PBX4: variants seen among roughly 807,000 people sequenced by gnomAD.
PBX4 encodes PBX homeobox 4.
In PBX4, 26 loss-of-function variants were observed where a neutral mutation model predicts 35.1. The ratio of observed to expected loss-of-function variants is 0.74; its 90% CI spans 0.54 to 1.03. The LOEUF (loss-of-function observed/expected upper bound fraction) is 1.03. Ranked by LOEUF, PBX4 falls within the 50% of genes least tolerant of loss-of-function variation. The pLI is 0.00. For synonymous variants in PBX4, 199 were observed against 204.2 expected, an observed-to-expected ratio of 0.97 and a Z score of 0.22; for missense variants, 448 against 504.3, an observed-to-expected ratio of 0.89 and a Z score of 1.07.
intron 1 of PBX4, among the ~76,000 whole-genome samples, chr19:19,609,916 A>AG (rs936124572): frequency 6.6e-6 from 1 of 152,176 alleles, no homozygotes; most frequent in African/African-American, 2.4e-5. Flanking sequence ...GGTTCTGGGG[A>AG]GGGGTAAATG....
chr19:19,605,416 A>AAATAATAATAATAAT (rs34936775), intron 1 of PBX4, among the ~76,000 whole-genome samples: 7,956 of 139,242 alleles, frequency 0.057, 318 homozygotes, highest in Non-Finnish European at 0.077. Context: ...CTCTGTCTCA[A>AAATAATAATAATAAT]AATAATAATA....
intron 5 of PBX4, among the ~76,000 whole-genome samples, chr19:19,565,403 G>A (rs1379930987): frequency 1.3e-5 from 2 of 152,158 alleles, no homozygotes; most frequent in African/African-American, 4.8e-5. Context: ...GGGCCGGGAG[G>A]GACAGCGCCT....
chr19:19,613,217 G>A (rs2061671847), intron 1 of PBX4, among the ~76,000 whole-genome samples: 1 of 151,062 alleles, frequency 6.6e-6, no homozygotes, highest in African/African-American at 2.4e-5. Flanking sequence ...TGTAATCCCA[G>A]CACTTTGGGA....
At position 19,563,712 on chromosome 19, in the gene PBX4, C is replaced by G; in HGVS notation, c.926-97G>C. The G allele has an allele frequency of 9.8e-7, 1 of 1,021,398 alleles. No homozygotes were observed. Among genetic ancestry groups the G allele is most frequent in the Non-Finnish European group, 1.5e-6 (1 of 669,662 alleles). The allele number at this position is 1,021,398 out of a possible 1,614,324, so 63.3% of individuals were successfully genotyped here. On this transcript the variant is annotated intron_variant, in intron 6 of 7. Coordinates refer to ENST00000251203, the MANE Select transcript of PBX4 (RefSeq NM_025245.3). This position sits in a 1 kb window ranked among gnomAD's most constrained non-coding sequence, Gnocchi z 5.1. ...CCGGCAGGAGGCCTCGAATGTGGCT[C>G]CTGCCCCTCCTCAGCATCCGGCCTC...
At chr19:19,617,529 C>T (rs765499032) in intron 1 of PBX4, among the ~76,000 whole-genome samples, 3 of 152,142 alleles carry the variant, frequency 2.0e-5, no homozygotes, top group Admixed American at 6.6e-5. Context: ...AGCAATCCTC[C>T]TGCCTCAGCC....
At chr19:19,588,590 A>C (rs1308225762) in intron 2 of PBX4, among the ~76,000 whole-genome samples, 1 of 139,424 alleles carries the variant, frequency 7.2e-6, no homozygotes, top group Non-Finnish European at 1.7e-5. Flanking sequence ...TTTTCATCTG[A>C]AGAAATGCTC....
At chr19:19,586,519 G>C (rs572434355) in intron 2 of PBX4, among the ~76,000 whole-genome samples, 8 of 152,190 alleles carry the variant, frequency 5.3e-5, no homozygotes, top group Non-Finnish European at 4.4e-5. Flanking sequence ...TGTGGTAACA[G>C]GGCAAAAGGA....
At chr19:19,607,027 C>T (rs2061635760) in intron 1 of PBX4, among the ~76,000 whole-genome samples, 1 of 152,008 alleles carries the variant, frequency 6.6e-6, no homozygotes, top group African/African-American at 2.4e-5. Flanking sequence ...AAGTATATGA[C>T]ATATTCTACC....
Position 19,563,655 on chromosome 19 carries a change from C to T in PBX4, c.926-40G>A, listed in dbSNP as rs2061322636. 5 of 1,514,388 alleles carry T rather than the reference C, an allele frequency of 3.3e-6. No individual in the cohort carries two copies. The East Asian group carries it at 7.4e-5, about 22-fold the overall frequency. 93.8% of individuals were successfully genotyped at this position (1,514,388 alleles called of 1,614,324 possible). ...AGCCGGGGTGGGCAGAGTCGTGGCG[C>T]CTCCTCAGGTGGAACCCACCCAGCC... is the stretch of plus-strand genomic sequence containing the variant. On this transcript the variant is annotated intron_variant, in intron 6 of 7. Coordinates refer to ENST00000251203, the MANE Select transcript of PBX4 (RefSeq NM_025245.3). The surrounding 1 kb of genome is among the most constrained non-coding windows in gnomAD (Gnocchi z 5.1).
At chr19:19,610,095 G>C (rs2144790286) in intron 1 of PBX4, among the ~76,000 whole-genome samples, 1 of 152,286 alleles carries the variant, frequency 6.6e-6, no homozygotes, top group South Asian at 2.1e-4. Flanking sequence ...AAGACTTTTA[G>C]ATAGCTTCAG....
intron 1 of PBX4, among the ~76,000 whole-genome samples, chr19:19,615,507 G>A (rs552351189): frequency 1.6e-4 from 24 of 152,284 alleles, no homozygotes; most frequent in Admixed American, 3.3e-4. Context: ...GAACTTGAGA[G>A]CAGGAAGAAC....
intron 2 of PBX4, among the ~76,000 whole-genome samples, chr19:19,585,363 A>G (rs1368028241): frequency 6.6e-6 from 1 of 152,118 alleles, no homozygotes; most frequent in Non-Finnish European, 1.5e-5. Flanking sequence ...TCCTTATCTT[A>G]AGTCATGGAA....
chr19:19,563,665 T>C lies in PBX4; in HGVS notation c.926-50A>G. On this transcript the variant is annotated intron_variant, in intron 6 of 7. Coordinates refer to ENST00000251203, the MANE Select transcript of PBX4 (RefSeq NM_025245.3). The surrounding 1 kb of genome is among the most constrained non-coding windows in gnomAD (Gnocchi z 5.1). ...GGCAGAGTCGTGGCGCCTCCTCAGGTGGAACCCACCCAGCCCCTCAGCCGG... is the reference window on the plus strand; with the variant it reads ...GGCAGAGTCGTGGCGCCTCCTCAGGCGGAACCCACCCAGCCCCTCAGCCGG... 2.0e-6 allele frequency: 3 copies of C among 1,463,902 alleles called. No homozygotes were observed. Among genetic ancestry groups the C allele is most frequent in the Non-Finnish European group, 2.8e-6 (3 of 1,070,644 alleles). The allele number at this position is 1,463,902 out of a possible 1,614,324, so 90.7% of individuals were successfully genotyped here.
At chr19:19,572,053 G>T (rs1234069119) in intron 2 of PBX4, among the ~76,000 whole-genome samples, 9 of 113,278 alleles carry the variant, frequency 7.9e-5, no homozygotes, top group East Asian at 2.6e-4. Flanking sequence ...AAAAAAAAGT[G>T]TTCTCTTAGA....
rs2061309108 is a variant in PBX4, at chr19:19,562,007, C to G, written c.*18G>C. ...CATGGCAGCTCACGCAGCGCTCTTT[C>G]CTGCTTATCCCCCAAACTTAATTAG... On this transcript the variant is annotated 3_prime_UTR_variant, in exon 8 of 8. Transcript: ENST00000251203. The surrounding 1 kb of genome is among the most constrained non-coding windows in gnomAD (Gnocchi z 4.8). 1.2e-6 allele frequency: 2 copies of G among 1,602,416 alleles called. No homozygotes were observed. The highest frequency in any genetic ancestry group is 1.3e-5 in the African/African-American group (1 of 74,604).
intron 2 of PBX4, among the ~76,000 whole-genome samples, chr19:19,594,092 A>T (rs2061544831): frequency 1.4e-5 from 2 of 147,796 alleles, no homozygotes. Flanking sequence ...ATTAAAAAAA[A>T]AAAAAAATAA....
At chr19:19,616,197 A>C (rs1018242204) in intron 1 of PBX4, among the ~76,000 whole-genome samples, 1 of 152,156 alleles carries the variant, frequency 6.6e-6, no homozygotes, top group African/African-American at 2.4e-5. Flanking sequence ...GATTCTACGG[A>C]TCCTGGCTGG....
chr19:19,589,587 C>T (rs144970819), intron 2 of PBX4, among the ~76,000 whole-genome samples: 2,820 of 151,974 alleles, frequency 0.019, 51 homozygotes, highest in Non-Finnish European at 0.026. Context: ...CTGGCCAACG[C>T]GGTGAAATCC....
intron 2 of PBX4, among the ~76,000 whole-genome samples, chr19:19,576,712 G>C (rs1196553830): frequency 2.0e-5 from 3 of 151,892 alleles, no homozygotes; most frequent in African/African-American, 7.3e-5. Context: ...CGACCTCCTG[G>C]GGTCAAGCGA....
Sources: allele counts gnomAD v4.1 joint callset (sites outside exome capture counted in the v4.1 genomes callset), GRCh38; gene constraint gnomAD v4.1.1; non-coding constraint Gnocchi (gnomAD v3.1); transcripts MANE v1.5; gene names NCBI Gene and HGNC (gene_info 2026-07-23, HGNC 2026-07-21).